CHD4: variants seen among roughly 807,000 people sequenced by gnomAD.
CHD4 encodes chromodomain helicase DNA binding protein 4, also known as ATP-dependent chromatin remodeler CHD4.
CHD4 carries 35 observed loss-of-function variants against 235.5 expected under a neutral mutation model. The observed-to-expected ratio is 0.15, with a 90% CI of 0.11 to 0.20. The LOEUF (loss-of-function observed/expected upper bound fraction) is 0.20, where lower values mean the gene tolerates loss of function less well. Ranked by LOEUF, CHD4 falls within the 10% of genes least tolerant of loss-of-function variation. The probability of loss-of-function intolerance (pLI) is 1.00; values close to 1 mark genes in which losing one functional copy is unlikely to be tolerated. For missense variants in CHD4, 1,329 were observed against 2,432.3 expected (o/e 0.55, Z 9.54); for synonymous variants, 900 against 850.2 (o/e 1.06, Z -1.02).
In CHD4 at chr12:6,592,482, G is replaced by A. The variant is rs979871669; in HGVS notation, c.2859C>T (p.His953=). 1.9e-5 allele frequency: 30 copies of A among 1,612,186 alleles called. No individual in the cohort carries two copies. Among genetic ancestry groups the A allele is most frequent in the Non-Finnish European group, 2.5e-5 (29 of 1,178,408 alleles). Residue 953 remains histidine, a synonymous_variant, in exon 19 of 40, where the codon CAC becomes CAT. Transcript: ENST00000544040. The part of the protein sequence containing the change: ...IKKLHDMLGP[H]MLRRLKADVF... ...CATCGGCTTTGAGCCGCCGCAACATGTGCGGCCCCAGCATGTCATGCAGTT... is the reference window on the plus strand; with the variant it reads ...CATCGGCTTTGAGCCGCCGCAACATATGCGGCCCCAGCATGTCATGCAGTT...
intron 33 of CHD4, 95 bp downstream of exon 33, chr12:6,580,949 G>A (rs1362225611): frequency 7.0e-7 from 1 of 1,429,636 alleles, no homozygotes; most frequent in Non-Finnish European, 9.6e-7. Flanking sequence ...GGAGGTTGCA[G>A]TAAGCCAAGA....
At position 6,606,394 on chromosome 12, in the gene CHD4, G is replaced by C; in HGVS notation, c.-21C>G. 6.5e-7 allele frequency: 1 copy of C among 1,549,648 alleles called. No homozygotes were observed. The highest frequency in any genetic ancestry group is 1.4e-5 in the African/African-American group (1 of 70,700). On this transcript the variant is annotated 5_prime_UTR_variant, in exon 2 of 40. Coordinates refer to ENST00000544040, the MANE Select transcript of CHD4 (RefSeq NM_001273.5). ...GCCATCCCCTTCCGCTCCCGGCCAG[G>C]GAATTGGCCCAGCTGCTCCTGCCGG...
chr12:6,595,562 CG>C (rs1325388164), intron 13 of CHD4, 132 bp from the exon 14 acceptor site: 15 of 674,876 alleles, frequency 2.2e-5, no homozygotes, highest in Non-Finnish European at 3.5e-5. Flanking sequence ...CTGAGACGGG[CG>C]GATCACCTGA....
intron 10 of CHD4, 96 bp downstream of exon 10, chr12:6,599,677 C>T (rs1039306033): frequency 7.4e-6 from 11 of 1,487,464 alleles, no homozygotes; most frequent in Non-Finnish European, 1.0e-5. Context: ...GGCTGAAAAG[C>T]TCATAGTTCC....
intron 37 of CHD4, among the ~76,000 whole-genome samples, chr12:6,576,138 C>T (rs900271836): frequency 6.6e-6 from 1 of 151,800 alleles, no homozygotes; most frequent in African/African-American, 2.4e-5. Context: ...GCGGGCAGAA[C>T]ATGAGGTCAA....
chr12:6,581,739 A>G lies in CHD4; in HGVS notation c.4591T>C (p.Ser1531Pro). The change falls in exon 31 of 40, where the codon TCC becomes CCC. Residue 1531 changes from serine to proline, a missense_variant. Coordinates refer to ENST00000544040, the MANE Select transcript of CHD4 (RefSeq NM_001273.5). The part of the protein sequence containing the change: ...LAEVEENKKM[S>P]QPGSPSPKTP... Reference sequence around the variant, plus strand: ...TTTGGGGAGGGTGACCCTGGCTGGGACATCTTCTTGTTTTCCTCCACCTCA... The same window carrying G: ...TTTGGGGAGGGTGACCCTGGCTGGGGCATCTTCTTGTTTTCCTCCACCTCA... The G allele has an allele frequency of 6.2e-7, 1 of 1,601,994 alleles. No homozygotes were observed. Among genetic ancestry groups the G allele is most frequent in the Non-Finnish European group, 8.5e-7 (1 of 1,173,526 alleles).
intron 10 of CHD4, 82 bp downstream of exon 10, chr12:6,599,691 C>G: frequency 6.4e-7 from 1 of 1,560,868 alleles, no homozygotes; most frequent in Non-Finnish European, 8.8e-7. Context: ...TAGTTCCTCT[C>G]CTGCACCCCA....
intron 37 of CHD4, among the ~76,000 whole-genome samples, chr12:6,573,894 C>T (rs896250440): frequency 6.9e-6 from 1 of 145,972 alleles, no homozygotes; most frequent in East Asian, 1.9e-4. Flanking sequence ...TATGGTAGTG[C>T]GCACCTGTAA....
chr12:6,585,756 TC>T (rs1225751708), intron 25 of CHD4, among the ~76,000 whole-genome samples: 1 of 148,058 alleles, frequency 6.8e-6, no homozygotes, highest in Non-Finnish European at 1.5e-5. Context: ...GCCACTGCAC[TC>T]CAGCCTGGGC....
intron 17 of CHD4, 131 bp from the exon 18 acceptor site, chr12:6,592,948 C>T (rs1948426385): frequency 1.9e-5 from 28 of 1,503,578 alleles, no homozygotes; most frequent in Non-Finnish European, 2.5e-5. Flanking sequence ...AAGGCCTGGC[C>T]ACCAAGGGCT....
rs1195130913 is a variant in CHD4, at chr12:6,570,871, G to A, written c.5719C>T (p.Gln1907Ter). The change falls in exon 39 of 40, where the codon CAG becomes TAG. Residue 1907 changes from glutamine (Q) to a stop codon, truncating the protein, a stop_gained and splice_region_variant. Transcript: ENST00000544040. LOFTEE classifies it high-confidence loss of function. ...TGTCAAGAAGAAAATGGTCCTACCT[G>A]CTGTGGGGTAGGTTCGGGTGCCCGG... Reference protein sequence around the residue: ...ANRAPEPTPQQVAQQQ With the variant: ...ANRAPEPTPQ The A allele has an allele frequency of 1.9e-6, 3 of 1,614,172 alleles. No homozygotes were observed. Among genetic ancestry groups the A allele is most frequent in the Non-Finnish European group, 2.5e-6 (3 of 1,180,022 alleles).
intron 18 of CHD4, 44 bp from the exon 19 acceptor site, chr12:6,592,610 GAAGA>G (rs763048375): frequency 7.0e-6 from 11 of 1,582,466 alleles, no homozygotes; most frequent in South Asian, 1.1e-5. Context: ...AAGGAGAAAG[GAAGA>G]AAGAAAAGTG....
At chr12:6,578,629 G>A in intron 34 of CHD4, 83 bp from the exon 35 acceptor site, 1 of 1,590,466 alleles carries the variant, frequency 6.3e-7, no homozygotes, top group Non-Finnish European at 8.6e-7. Context: ...TATGCTACAA[G>A]AATCCATCCA....
Position 6,578,841 on chromosome 12 carries a change from CCCA to C in CHD4, c.4981+2_4981+4del. On this transcript the variant is annotated splice_donor_variant and splice_donor_region_variant and intron_variant, in intron 34 of 39. Transcript: ENST00000544040. LOFTEE classifies it high-confidence loss of function. ...GAACCACAATCAACTTCTCCAAACACCCACCTTTGTCTTCTACCACAATAGGGG... is the reference window on the plus strand; with the variant it reads ...GAACCACAATCAACTTCTCCAAACACCCTTTGTCTTCTACCACAATAGGGG... 6.2e-7 allele frequency: 1 copy of C among 1,614,018 alleles called. No homozygotes were observed. Among genetic ancestry groups the C allele is most frequent in the Non-Finnish European group, 8.5e-7 (1 of 1,179,846 alleles).
rs535678917 is a variant in CHD4, at chr12:6,602,252, G to C, written c.223-77C>G. The C allele has an allele frequency of 9.6e-5, 153 of 1,598,412 alleles. No individual in the cohort carries two copies. In the African/African-American group the frequency reaches 1.8e-3, roughly 19 times the overall value. On this transcript the variant is annotated intron_variant, in intron 3 of 39. Transcript: ENST00000544040. Reference sequence around the variant, plus strand: ...CATGCTGACCTCAGGACAGCCCTGAGGCTCATCCCCAGAACATGGCCCACC... The same window carrying C: ...CATGCTGACCTCAGGACAGCCCTGACGCTCATCCCCAGAACATGGCCCACC...
intron 2 of CHD4, among the ~76,000 whole-genome samples, chr12:6,605,303 G>C (rs1046792851): frequency 5.9e-5 from 9 of 152,152 alleles, no homozygotes; most frequent in African/African-American, 1.7e-4. Flanking sequence ...AATTAAACTA[G>C]AAAACATGAA....
At chr12:6,592,940 G>C (rs1369146843) in intron 17 of CHD4, 123 bp from the exon 18 acceptor site, 1 of 1,509,294 alleles carries the variant, frequency 6.6e-7, no homozygotes, top group African/African-American at 1.4e-5. Context: ...TCTTTTTAAA[G>C]GCCTGGCCAC....
At chr12:6,598,584 G>C (rs531692131) in intron 10 of CHD4, among the ~76,000 whole-genome samples, 159 bp from the exon 11 acceptor site, 13 of 152,236 alleles carry the variant, frequency 8.5e-5, no homozygotes, top group Non-Finnish European at 1.8e-4. Flanking sequence ...GCCGAGGCGG[G>C]CAGATCACGA....
At position 6,607,291 on chromosome 12, in the gene CHD4, T is replaced by C. The variant is rs1169502345; in HGVS notation, c.-79+9A>G. ...GGGCGTCTCTTTGGGAACCCCGCGC[T>C]CTCCTCACCCCGGAGCCGCCGCAGG... is the stretch of plus-strand genomic sequence containing the variant. On this transcript the variant is annotated intron_variant, in intron 1 of 39. Coordinates refer to ENST00000544040, the MANE Select transcript of CHD4 (RefSeq NM_001273.5). 1 of 151,264 alleles carries C rather than the reference T, an allele frequency of 6.6e-6. No homozygotes were observed. The highest frequency in any genetic ancestry group is 1.5e-5 in the Non-Finnish European group (1 of 67,802). The allele number at this position is 151,264 out of a possible 1,614,324, so 9.4% of individuals were successfully genotyped here.
Sources: allele counts gnomAD v4.1 joint callset (sites outside exome capture counted in the v4.1 genomes callset), GRCh38; gene constraint gnomAD v4.1.1; transcripts MANE v1.5; gene names NCBI Gene and HGNC (gene_info 2026-07-23, HGNC 2026-07-21).